The following LIPN variants were observed in gnomAD, a reference collection of about 807,000 sequenced individuals.
The protein encoded by LIPN is lipase family member N, also known as lipase member N.
Under a neutral mutation model 43.7 loss-of-function variants are expected in LIPN, and 32 were observed. The ratio of observed to expected loss-of-function variants is 0.73; its 90% CI spans 0.55 to 0.98. The LOEUF (loss-of-function observed/expected upper bound fraction) is 0.98. Among genes scored for constraint, LIPN ranks in the 50% least tolerant of loss-of-function variants. The pLI is 0.00. For missense variants in LIPN, 505 were observed against 483.8 expected, an observed-to-expected ratio of 1.04 and a Z score of -0.41; for synonymous variants, 156 against 157.6, an observed-to-expected ratio of 0.99 and a Z score of 0.08.
At chr10:88,758,509 C>T (rs1453899596), upstream of LIPN, among the ~76,000 whole-genome samples, 2 of 148,678 alleles carry the variant, frequency 1.3e-5, no homozygotes, top group South Asian at 2.1e-4. Context: ...AATATTGTAA[C>T]ATTATATATT....
At position 88,778,188 on chromosome 10, in the gene LIPN, T is replaced by C; in HGVS notation, c.1143T>C (p.Asp381=). 3.7e-6 allele frequency: 6 copies of C among 1,613,180 alleles called. No homozygotes were observed. The highest frequency in any genetic ancestry group is 4.2e-6 in the Non-Finnish European group (5 of 1,179,538). ...WNHFDFVWGL[D]APQRMYSEII... is the part of the protein sequence containing the mutation. The stretch of plus-strand genomic sequence containing the variant: ...ACTTTGATTTTGTCTGGGGCCTCGA[T>C]GCCCCTCAACGGATGTACAGTGAAA... The change falls in exon 10 of 10, where the codon GAT becomes GAC. Residue 381 remains aspartate (D), a synonymous_variant. Transcript: ENST00000404459.
At chr10:88,761,761 A>C (rs1475592137) in intron 2 of LIPN, among the ~76,000 whole-genome samples, 3 of 68,752 alleles carry the variant, frequency 4.4e-5, no homozygotes, top group African/African-American at 2.5e-4. Flanking sequence ...CTATCTATCT[A>C]TGTATCTATC....
intron 4 of LIPN, among the ~76,000 whole-genome samples, chr10:88,765,393 G>T (rs1032049077): frequency 1.3e-5 from 2 of 151,906 alleles, no homozygotes; most frequent in Non-Finnish European, 1.5e-5. Context: ...GAGAATAGTG[G>T]AGGAATAGAA....
At chr10:88,772,761 G>A (rs1843231117) in intron 7 of LIPN, among the ~76,000 whole-genome samples, 1 of 151,134 alleles carries the variant, frequency 6.6e-6, no homozygotes, top group Non-Finnish European at 1.5e-5. Flanking sequence ...CAAAAAACCT[G>A]CTAGAACTGA....
chr10:88,771,810 G>A (rs1046742940), intron 7 of LIPN, among the ~76,000 whole-genome samples: 1 of 150,900 alleles, frequency 6.6e-6, no homozygotes, highest in Non-Finnish European at 1.5e-5. Context: ...TCTACTTTTA[G>A]TTTTTTGAGG....
chr10:88,769,968 G>A (rs539514597), intron 6 of LIPN, among the ~76,000 whole-genome samples: 2 of 152,008 alleles, frequency 1.3e-5, no homozygotes, highest in Admixed American at 1.3e-4. Flanking sequence ...ATTAAATTCA[G>A]AGAGAGATAC....
chr10:88,765,000 T>C (rs1402274366), intron 4 of LIPN, among the ~76,000 whole-genome samples: 1 of 152,006 alleles, frequency 6.6e-6, no homozygotes, highest in African/African-American at 2.4e-5. Flanking sequence ...ACAAAGCTTA[T>C]GTTCATTTTA....
At chr10:88,768,975 A>G (rs764720682) in intron 6 of LIPN, 47 bp downstream of exon 6, 2 of 1,537,106 alleles carry the variant, frequency 1.3e-6, no homozygotes, top group Admixed American at 1.8e-5. Flanking sequence ...ATTTTGGATC[A>G]TAAATCCTTA....
At chr10:88,767,457 C>T (rs1014662504) in intron 5 of LIPN, among the ~76,000 whole-genome samples, 2 of 151,330 alleles carry the variant, frequency 1.3e-5, no homozygotes, top group African/African-American at 2.4e-5. Context: ...CAAAACAACC[C>T]GAATGTTATT....
In LIPN at chr10:88,764,436, C is replaced by A. The variant is rs760335119; in HGVS notation, c.253C>A (p.His85Asn). 2 of 1,612,120 alleles carry A rather than the reference C, an allele frequency of 1.2e-6. No individual in the cohort carries two copies. The highest frequency in any genetic ancestry group is 1.6e-4 in the Middle Eastern group (1 of 6,068). The change falls in exon 4 of 10, where the codon CAT becomes AAT. Residue 85 changes from histidine to asparagine, a missense_variant. By Grantham distance (68) the His-to-Asn change is moderately conservative. Coordinates refer to ENST00000404459, the MANE Select transcript of LIPN (RefSeq NM_001102469.2). ...TGPRPVVYMQ[H>N]ALFADNAYWL... The stretch of plus-strand genomic sequence containing the variant: ...TCCCCGGCCAGTTGTGTATATGCAG[C>A]ATGCCCTGTTTGCAGACAATGCCTA...
At chr10:88,769,214 T>G (rs993130406) in intron 6 of LIPN, among the ~76,000 whole-genome samples, 1 of 151,932 alleles carries the variant, frequency 6.6e-6, no homozygotes, top group African/African-American at 2.4e-5. Flanking sequence ...AGGATTTTTC[T>G]TGTTTTCCCA....
At position 88,761,386 on chromosome 10, in the gene LIPN, G is replaced by A. The variant is rs1309415768; in HGVS notation, c.-8-12G>A. 1.4e-6 allele frequency: 2 copies of A among 1,444,728 alleles called. No individual in the cohort carries two copies. The highest frequency in any genetic ancestry group is 1.4e-5 in the African/African-American group (1 of 71,470). 89.5% of individuals were successfully genotyped at this position (1,444,728 alleles called of 1,614,324 possible). The stretch of plus-strand genomic sequence containing the variant: ...TAAAATTAATCTGTGAATATTAAAT[G>A]TTTTATGCCAGGCATTTCTATGATG... On this transcript the variant is annotated splice_polypyrimidine_tract_variant and intron_variant, in intron 1 of 9. Transcript: ENST00000404459.
At chr10:88,760,610 T>C (rs574593528) in intron 1 of LIPN, among the ~76,000 whole-genome samples, 1 of 152,158 alleles carries the variant, frequency 6.6e-6, no homozygotes, top group Admixed American at 6.6e-5. Flanking sequence ...GAACTTACAC[T>C]GCACTAAATG....
intron 3 of LIPN, 121 bp from the exon 4 acceptor site, chr10:88,764,289 G>T: frequency 3.0e-6 from 2 of 663,014 alleles, no homozygotes; most frequent in Non-Finnish European, 5.1e-6. Flanking sequence ...GTTTTACCAT[G>T]TGTGTATGTG....
At chr10:88,762,971 A>T (rs2604964) in intron 3 of LIPN, among the ~76,000 whole-genome samples, 1 of 151,894 alleles carries the variant, frequency 6.6e-6, no homozygotes, top group Admixed American at 6.6e-5. Context: ...TAGAAATGAT[A>T]AGAATAACCA....
intron 7 of LIPN, 119 bp downstream of exon 7, chr10:88,771,110 A>G (rs1382189480): frequency 3.5e-6 from 3 of 863,430 alleles, no homozygotes; most frequent in African/African-American, 3.5e-5. Flanking sequence ...CCTTAAAGAC[A>G]GATTTTTTTT....
At position 88,778,378 on chromosome 10, in the gene LIPN, T is replaced by C. The variant is rs997080578; in HGVS notation, c.*136T>C. 3 of 627,438 alleles carry C rather than the reference T, an allele frequency of 4.8e-6. No individual in the cohort carries two copies. In the African/African-American group the frequency reaches 5.5e-5, roughly 12 times the overall value. The allele number at this position is 627,438 out of a possible 1,614,324, so 38.9% of individuals were successfully genotyped here. On this transcript the variant is annotated 3_prime_UTR_variant, in exon 10 of 10. Coordinates refer to ENST00000404459, the MANE Select transcript of LIPN (RefSeq NM_001102469.2). ...CAGTGGAGTCTGTTTTCCAAGTCAA[T>C]TGTGTTAGTGTTATTTATGTTTAGA... is the stretch of plus-strand genomic sequence containing the variant.
chr10:88,772,268 T>C (rs1260551013), intron 7 of LIPN, among the ~76,000 whole-genome samples: 1 of 151,922 alleles, frequency 6.6e-6, no homozygotes, highest in Non-Finnish European at 1.5e-5. Context: ...CTTGACGTAA[T>C]CTAATTTGTT....
intron 5 of LIPN, 77 bp from the exon 6 acceptor site, chr10:88,768,715 A>G (rs1843152791): frequency 1.2e-5 from 15 of 1,279,420 alleles, no homozygotes; most frequent in Non-Finnish European, 1.5e-5. Flanking sequence ...AAAATGACTA[A>G]GCAGAGCCCC....
Sources: allele counts gnomAD v4.1 joint callset (sites outside exome capture counted in the v4.1 genomes callset), GRCh38; gene constraint gnomAD v4.1.1; transcripts MANE v1.5; gene names NCBI Gene and HGNC (gene_info 2026-07-23, HGNC 2026-07-21).